PLA2G4A: variants seen among roughly 807,000 people sequenced by gnomAD.
PLA2G4A encodes the protein phospholipase A2 group IVA, also known as cytosolic phospholipase A2.
A neutral mutation model predicts 81.9 loss-of-function variants in PLA2G4A; 40 were observed. The observed-to-expected ratio is 0.49, with a 90% CI of 0.38 to 0.64. The LOEUF is 0.64. Ranked by LOEUF, PLA2G4A falls within the 30% of genes least tolerant of loss-of-function variation. The pLI, the probability that PLA2G4A is intolerant of heterozygous loss-of-function variation, is 0.00. For synonymous variants in PLA2G4A, 302 were observed against 296.9 expected (o/e 1.02, Z -0.18); for missense variants, 715 against 905.1 (o/e 0.79, Z 2.69).
chr1:186,843,473 G>A (rs1017456013), intron 1 of PLA2G4A, among the ~76,000 whole-genome samples: 1 of 152,146 alleles, frequency 6.6e-6, no homozygotes, highest in African/African-American at 2.4e-5. Context: ...ATCACTCCGG[G>A]CCCAACAGGA....
In PLA2G4A at chr1:186,946,746, T is replaced by C. The variant is rs139965148; in HGVS notation, c.1143T>C (p.Tyr381=). 3.1e-6 allele frequency: 5 copies of C among 1,612,048 alleles called. No homozygotes were observed. In the African/African-American group the frequency reaches 6.7e-5, roughly 22 times the overall value. The part of the protein sequence containing the change: ...KFFMGTVVKK[Y]EENPLHFLMG... ...TTATGGGAACAGTCGTTAAGAAGTA[T>C]GAAGAAAACCCCTTGCATTTCTTAA... Residue 381 remains tyrosine, a synonymous_variant, in exon 11 of 18, where the codon TAT becomes TAC. Transcript: ENST00000367466.
At chr1:186,925,750 A>G (rs1035668117) in intron 7 of PLA2G4A, among the ~76,000 whole-genome samples, 2 of 152,210 alleles carry the variant, frequency 1.3e-5, no homozygotes, top group African/African-American at 4.8e-5. Context: ...GGCATATATG[A>G]ACATTCTCTT....
At chr1:186,835,062 A>G (rs1651729649) in intron 1 of PLA2G4A, among the ~76,000 whole-genome samples, 1 of 152,182 alleles carries the variant, frequency 6.6e-6, no homozygotes, top group Admixed American at 6.5e-5. Flanking sequence ...AATAATGCAT[A>G]CTAGGTCAGG....
chr1:186,845,882 A>G (rs549002274), intron 1 of PLA2G4A, among the ~76,000 whole-genome samples: 2 of 152,176 alleles, frequency 1.3e-5, no homozygotes, highest in Non-Finnish European at 2.9e-5. Flanking sequence ...TTTCCCTCTC[A>G]TTCATGTTCT....
At chr1:186,844,749 C>G (rs887205151) in intron 1 of PLA2G4A, among the ~76,000 whole-genome samples, 5 of 152,146 alleles carry the variant, frequency 3.3e-5, no homozygotes, top group Admixed American at 2.6e-4. Flanking sequence ...AACAAATCTG[C>G]ACGTTGTGCA....
intron 7 of PLA2G4A, among the ~76,000 whole-genome samples, chr1:186,918,747 G>A (rs1260882726): frequency 6.6e-6 from 1 of 152,228 alleles, no homozygotes; most frequent in Non-Finnish European, 1.5e-5. Context: ...GATTTAGGGT[G>A]TTACAGACTT....
chr1:186,956,431 C>T (rs1195929617), intron 14 of PLA2G4A, 87 bp downstream of exon 14: 1 of 1,169,560 alleles, frequency 8.6e-7, no homozygotes, highest in Non-Finnish European at 1.3e-6. Flanking sequence ...ATTATTAACA[C>T]TTACTCATTT....
chr1:186,874,247 A>G (rs988904034), intron 3 of PLA2G4A, among the ~76,000 whole-genome samples: 3 of 152,066 alleles, frequency 2.0e-5, no homozygotes, highest in Admixed American at 2.0e-4. Context: ...TAGTATTTCA[A>G]TTGGTCATAG....
intron 10 of PLA2G4A, among the ~76,000 whole-genome samples, chr1:186,943,497 A>G (rs1412546651): frequency 6.6e-6 from 1 of 152,208 alleles, no homozygotes; most frequent in African/African-American, 2.4e-5. Context: ...AAAATAAAGC[A>G]TGGAAAAATT....
At chr1:186,857,514 T>C (rs908432085) in intron 2 of PLA2G4A, among the ~76,000 whole-genome samples, 2 of 138,984 alleles carry the variant, frequency 1.4e-5, no homozygotes, top group Admixed American at 7.8e-5. Flanking sequence ...ATATAATATA[T>C]AATATAATAT....
chr1:186,860,545 A>G (rs988605356), intron 2 of PLA2G4A, among the ~76,000 whole-genome samples: 3 of 152,312 alleles, frequency 2.0e-5, no homozygotes, highest in African/African-American at 7.2e-5. Flanking sequence ...TACTTTACTG[A>G]GACCACTGAT....
At chr1:186,891,551 G>A (rs1055107335) in intron 3 of PLA2G4A, among the ~76,000 whole-genome samples, 1 of 152,032 alleles carries the variant, frequency 6.6e-6, no homozygotes, top group Non-Finnish European at 1.5e-5. Context: ...GTGAGAATAT[G>A]TGCTGTTTGT....
At chr1:186,981,792 A>G (rs1363703611) in intron 17 of PLA2G4A, among the ~76,000 whole-genome samples, 1 of 152,228 alleles carries the variant, frequency 6.6e-6, no homozygotes, top group African/African-American at 2.4e-5. Flanking sequence ...ATTCATTAAA[A>G]AATAATATGA....
At position 186,956,195 on chromosome 1, in the gene PLA2G4A, C is replaced by T; in HGVS notation, c.1430C>T (p.Ala477Val). The T allele has an allele frequency of 6.2e-7, 1 of 1,613,810 alleles. No individual in the cohort carries two copies. Among genetic ancestry groups the T allele is most frequent in the African/African-American group, 1.3e-5 (1 of 75,000 alleles). The change falls in exon 14 of 18, where the codon GCT becomes GTT. Residue 477 changes from alanine to valine, a missense_variant. By Grantham distance (64) the Ala-to-Val change is moderately conservative (BLOSUM62 0). Transcript: ENST00000367466. ...ATAATGGCCTTGGTGAGTGATTCAG[C>T]TTTATTCAATACCAGAGAAGGACGT... ...RMIMALVSDS[A>V]LFNTREGRAG... is the part of the protein sequence containing the mutation.
chr1:186,955,734 C>T (rs1165483727), intron 13 of PLA2G4A, among the ~76,000 whole-genome samples: 7 of 108,816 alleles, frequency 6.4e-5, no homozygotes, highest in South Asian at 3.5e-4. Context: ...AAGAAGATCC[C>T]TTTTTTTTTT....
chr1:186,895,807 CA>C, intron 5 of PLA2G4A, among the ~76,000 whole-genome samples: 1 of 152,300 alleles, frequency 6.6e-6, no homozygotes, highest in East Asian at 1.9e-4. Context: ...CATTGAAAGA[CA>C]GGCTGTTTGG....
At chr1:186,887,205 C>T (rs1653967675) in intron 3 of PLA2G4A, among the ~76,000 whole-genome samples, 1 of 151,906 alleles carries the variant, frequency 6.6e-6, no homozygotes, top group Non-Finnish European at 1.5e-5. Context: ...CTATTTATCA[C>T]AAGAATTGTA....
At chr1:186,891,838 T>C (rs1654155836) in intron 3 of PLA2G4A, among the ~76,000 whole-genome samples, 1 of 152,194 alleles carries the variant, frequency 6.6e-6, no homozygotes, top group South Asian at 2.1e-4. Context: ...CTTGGTCATA[T>C]GGTAGCTCTA....
intron 7 of PLA2G4A, among the ~76,000 whole-genome samples, chr1:186,920,992 G>T (rs1461268227): frequency 6.6e-6 from 1 of 152,222 alleles, no homozygotes; most frequent in Non-Finnish European, 1.5e-5. Flanking sequence ...TGGATCAAAA[G>T]GAGTGTACAT....
Sources: gnomAD v4.1 joint callset for allele counts (sites outside exome capture counted in the v4.1 genomes callset) on GRCh38, gnomAD v4.1.1 for gene constraint, MANE v1.5 for transcripts, NCBI Gene and HGNC (gene_info 2026-07-23, HGNC 2026-07-21) for gene names.